The following ERMARD variants were observed in gnomAD, a reference collection of about 807,000 sequenced individuals.
ERMARD encodes endoplasmic reticulum membrane-associated RNA degradation protein.
A neutral mutation model predicts 83.9 loss-of-function variants in ERMARD; 71 were observed. The ratio of observed to expected loss-of-function variants is 0.85; its 90% confidence interval spans 0.70 to 1.03. The LOEUF is 1.03. Ranked by LOEUF, ERMARD falls within the 50% of genes least tolerant of loss-of-function variation. The pLI is 0.00. For missense variants in ERMARD, 838 were observed against 810.9 expected (o/e 1.03, Z -0.41); for synonymous variants, 284 against 298.6 (o/e 0.95, Z 0.50).
In ERMARD at chr6:169,753,889, C is replaced by T. The variant is rs759934226; in HGVS notation, c.32C>T (p.Thr11Ile). The T allele has an allele frequency of 6.2e-7, 1 of 1,602,136 alleles. No homozygotes were observed. The highest frequency in any genetic ancestry group is 8.5e-7 in the Non-Finnish European group (1 of 1,173,576). The stretch of plus-strand genomic sequence containing the variant: ...GTATTAATAGGGGACCCTATTACCA[C>T]ATGTCTTTCTCCCTCAGTGTATGAT... MEVLIGDPIT[T>I]CLSPSVYDII... The change falls in exon 2 of 18, where the codon ACA (threonine) becomes ATA (isoleucine). Residue 11 changes from threonine to isoleucine, a missense_variant. Coordinates refer to ENST00000366773, the MANE Select transcript of ERMARD (RefSeq NM_018341.3).
intron 12 of ERMARD, chr6:169,771,087 T>TG (rs397938226): frequency 6.7e-6 from 1 of 149,724 alleles, no homozygotes; most frequent in Non-Finnish European, 1.5e-5. Flanking sequence ...CTTTTTTTTT[T>TG]GTTTTTTTTT....
intron 13 of ERMARD, among the ~76,000 whole-genome samples, chr6:169,774,326 C>T (rs144732057): frequency 2.6e-5 from 4 of 152,306 alleles, no homozygotes; most frequent in East Asian, 3.9e-4. Flanking sequence ...GGCAGAGCAT[C>T]GGGCTGTGCT....
At chr6:169,758,350 A>G (rs1396433372) in intron 5 of ERMARD, among the ~76,000 whole-genome samples, 2 of 152,208 alleles carry the variant, frequency 1.3e-5, no homozygotes, top group East Asian at 1.9e-4. Flanking sequence ...TTCTCTGGGC[A>G]TGACATGACT....
chr6:169,754,735 T>C (rs1790576112), intron 2 of ERMARD, among the ~76,000 whole-genome samples: 1 of 152,216 alleles, frequency 6.6e-6, no homozygotes, highest in Non-Finnish European at 1.5e-5. Context: ...AGGAGGGGCA[T>C]GTATTTGTAA....
intron 9 of ERMARD, 52 bp from the exon 10 acceptor site, chr6:169,766,586 G>GT: frequency 6.8e-7 from 1 of 1,474,262 alleles, no homozygotes; most frequent in Non-Finnish European, 9.2e-7. Flanking sequence ...TAGTGTTAGT[G>GT]TATTTGTATT....
chr6:169,774,709 G>T (rs1005158355), intron 13 of ERMARD, among the ~76,000 whole-genome samples: 5 of 152,198 alleles, frequency 3.3e-5, no homozygotes, highest in African/African-American at 1.2e-4. Context: ...GGTTAGAAAT[G>T]GGGAGCATCT....
chr6:169,751,494 T>A (rs1176604623), upstream of ERMARD: 2 of 1,610,704 alleles, frequency 1.2e-6, no homozygotes, highest in Admixed American at 3.3e-5. Flanking sequence ...CCGCCTCCCC[T>A]TCACCGCCGG....
upstream of ERMARD, chr6:169,751,367 C>T (rs1265567766): frequency 1.2e-6 from 2 of 1,614,120 alleles, no homozygotes; most frequent in South Asian, 2.2e-5. Flanking sequence ...GCTAGGCCTC[C>T]TTTCTTTCCT....
At chr6:169,772,289 C>T (rs994222658) in intron 12 of ERMARD, among the ~76,000 whole-genome samples, 2 of 152,220 alleles carry the variant, frequency 1.3e-5, no homozygotes, top group Non-Finnish European at 2.9e-5. Context: ...ACATATGCTG[C>T]GTGTGTGTCT....
intron 15 of ERMARD, 186 bp downstream of exon 15, chr6:169,776,251 T>G (rs1396850929): frequency 6.5e-7 from 1 of 1,538,396 alleles, no homozygotes; most frequent in African/African-American, 1.4e-5. Context: ...GCACATCTGA[T>G]GAGGCTGTGA....
rs1330539697 is a variant in ERMARD, at chr6:169,779,617, C to T, written c.1853+322C>T. Among the ~76,000 whole-genome samples the T allele has an allele frequency of 2.0e-5, 3 of 152,290 alleles. No individual in the cohort carries two copies. The East Asian group carries it at 5.8e-4, about 29-fold the overall frequency. ...TCAGGTGATCTGCCACCTCAGCCTC[C>T]TGAGTAGCTGGGACCACAGCCATGC... is the stretch of plus-strand genomic sequence containing the variant. On this transcript the variant is annotated intron_variant, in intron 17 of 17. Coordinates refer to ENST00000366773, the MANE Select transcript of ERMARD (RefSeq NM_018341.3).
At chr6:169,754,367 T>G (rs2128340660) in intron 2 of ERMARD, among the ~76,000 whole-genome samples, 1 of 152,286 alleles carries the variant, frequency 6.6e-6, no homozygotes, top group East Asian at 1.9e-4. Context: ...AAATGACCAG[T>G]AATAGATTAT....
chr6:169,751,556 C>G (rs1013771786), upstream of ERMARD: 10 of 1,610,248 alleles, frequency 6.2e-6, no homozygotes, highest in Non-Finnish European at 8.5e-6. Context: ...CCACCTGCGC[C>G]TCGTACGGTA....
chr6:169,751,523 A>T, upstream of ERMARD: 1 of 1,610,612 alleles, frequency 6.2e-7, no homozygotes, highest in Non-Finnish European at 8.5e-7. Flanking sequence ...CGCCCTAGCC[A>T]GTCCCGCGAG....
chr6:169,775,215 A>AT, intron 13 of ERMARD, 55 bp from the exon 14 acceptor site: 1 of 1,562,862 alleles, frequency 6.4e-7, no homozygotes, highest in Non-Finnish European at 8.8e-7. Context: ...AAAAACACAG[A>AT]TTTTCTAGGA....
At chr6:169,761,974 C>T (rs931978393) in intron 8 of ERMARD, among the ~76,000 whole-genome samples, 3 of 152,068 alleles carry the variant, frequency 2.0e-5, no homozygotes, top group East Asian at 1.9e-4. Flanking sequence ...TGAGCCACTG[C>T]GCCCAGCTGG....
In ERMARD at chr6:169,759,975, G is replaced by A; in HGVS notation, c.742+1G>A. 2 of 1,614,074 alleles carry A rather than the reference G, an allele frequency of 1.2e-6. No homozygotes were observed. The highest frequency in any genetic ancestry group is 2.2e-5 in the East Asian group (1 of 44,874). On this transcript the variant is annotated splice_donor_variant, in intron 7 of 17. Transcript: ENST00000366773. LOFTEE classifies it high-confidence loss of function. ...CTCGAGGATTTGATTGTTTTTCCTG[G>A]TAAGTACTATGTTTCACATTTTTCC...
At chr6:169,755,457 C>G (rs926152844) in intron 3 of ERMARD, 35 bp downstream of exon 3, 2 of 1,612,070 alleles carry the variant, frequency 1.2e-6, no homozygotes, top group Non-Finnish European at 1.7e-6. Flanking sequence ...AAATAAAAGA[C>G]TGTGCGAATA....
intron 12 of ERMARD, 82 bp downstream of exon 12, chr6:169,769,795 C>T (rs1267722370): frequency 1.6e-6 from 2 of 1,276,770 alleles, no homozygotes; most frequent in Non-Finnish European, 2.1e-6. Context: ...ATGTAATTAA[C>T]TGTTAATCAT....
Sources: gnomAD v4.1 joint callset for allele counts (sites outside exome capture counted in the v4.1 genomes callset) on GRCh38, gnomAD v4.1.1 for gene constraint, MANE v1.5 for transcripts, NCBI Gene and HGNC (gene_info 2026-07-23, HGNC 2026-07-21) for gene names.